FOXP1: variants seen among roughly 807,000 people sequenced by gnomAD.
FOXP1 encodes forkhead box P1, also known as forkhead box protein P1.
FOXP1 carries 15 observed loss-of-function variants against 98.2 expected under a neutral mutation model. The ratio of observed to expected loss-of-function variants is 0.15; its 90% CI spans 0.10 to 0.24. The LOEUF is 0.24. Ranked by LOEUF, FOXP1 falls within the 10% of genes least tolerant of loss-of-function variation. FOXP1 has a pLI of 1.00. For synonymous variants in FOXP1, 371 were observed against 314.5 expected (o/e 1.18, Z -1.90); for missense variants, 633 against 848.5 (o/e 0.75, Z 3.15).
intron 6 of FOXP1, among the ~76,000 whole-genome samples, chr3:71,167,343 A>T (rs752611413): frequency 6.6e-6 from 1 of 152,206 alleles, no homozygotes; most frequent in African/African-American, 2.4e-5. Context: ...TTCCCCATCT[A>T]TAACTAAAAT....
chr3:71,250,268 T>C (rs2068077618), intron 5 of FOXP1, among the ~76,000 whole-genome samples: 1 of 152,212 alleles, frequency 6.6e-6, no homozygotes, highest in Non-Finnish European at 1.5e-5. Flanking sequence ...TCATTCCTGG[T>C]TGAGAACCAC....
At chr3:71,496,123 C>T (rs750681374) in intron 2 of FOXP1, among the ~76,000 whole-genome samples, 1 of 152,190 alleles carries the variant, frequency 6.6e-6, no homozygotes, top group Non-Finnish European at 1.5e-5. Context: ...TGGCAGCTAA[C>T]TTTTTAAATA....
At chr3:71,334,548 C>T (rs1332482521) in intron 4 of FOXP1, 1 of 152,164 alleles carries the variant, frequency 6.6e-6, no homozygotes, top group African/African-American at 2.4e-5. Context: ...GGACCCTGGA[C>T]ACTGAAGCAT....
In FOXP1 at chr3:70,957,002, GCA is replaced by G; in HGVS notation, c.*2243_*2244del. 4.5e-6 allele frequency: 1 copy of G among 221,426 alleles called. No homozygotes were observed. Among genetic ancestry groups the G allele is most frequent in the East Asian group, 6.7e-5 (1 of 14,986 alleles). The allele number at this position is 221,426 out of a possible 1,614,324, so 13.7% of individuals were successfully genotyped here. ...AACCAAAATTAATACAGTGATCACA[GCA>G]CAGTTCTTAAACAAAAGTGGCATAC... On this transcript the variant is annotated 3_prime_UTR_variant, in exon 21 of 21. Coordinates refer to ENST00000649528, the MANE Select transcript of FOXP1 (RefSeq NM_001349338.3).
At chr3:71,472,209 T>C (rs953377005) in intron 3 of FOXP1, among the ~76,000 whole-genome samples, 4 of 152,134 alleles carry the variant, frequency 2.6e-5, no homozygotes, top group African/African-American at 9.7e-5. Context: ...TGTTTTTACC[T>C]CCTCAGGACC....
intron 6 of FOXP1, among the ~76,000 whole-genome samples, chr3:71,118,928 A>G (rs2058567326): frequency 6.6e-6 from 1 of 152,168 alleles, no homozygotes; most frequent in South Asian, 2.1e-4. Context: ...GGCCCTTCAG[A>G]CCTAAAATAT....
intron 2 of FOXP1, chr3:71,572,066 A>C (rs2047382188): frequency 6.6e-6 from 1 of 152,248 alleles, no homozygotes; most frequent in Non-Finnish European, 1.5e-5. Flanking sequence ...ACAAGGATAC[A>C]GAAGTATAAA....
chr3:71,514,244 T>C (rs1269297868), intron 2 of FOXP1, among the ~76,000 whole-genome samples: 2 of 152,194 alleles, frequency 1.3e-5, no homozygotes, highest in African/African-American at 2.4e-5. Context: ...CTGTTCCCTC[T>C]GCCTGGAATG....
chr3:71,062,458 G>A (rs1392719806), intron 7 of FOXP1, among the ~76,000 whole-genome samples: 1 of 152,106 alleles, frequency 6.6e-6, no homozygotes, highest in Admixed American at 6.6e-5. Context: ...TCTATTACAT[G>A]TCATGAGATC....
intron 5 of FOXP1, among the ~76,000 whole-genome samples, chr3:71,260,823 T>C (rs1347074321): frequency 6.6e-6 from 1 of 152,120 alleles, no homozygotes; most frequent in Non-Finnish European, 1.5e-5. Context: ...ATTACAGGCA[T>C]GAGCCCCCAC....
At chr3:71,475,402 C>T (rs1372560311) in intron 3 of FOXP1, among the ~76,000 whole-genome samples, 2 of 152,136 alleles carry the variant, frequency 1.3e-5, no homozygotes, top group Non-Finnish European at 2.9e-5. Context: ...CCATGGCAAT[C>T]GGGGAAAGGG....
intron 7 of FOXP1, among the ~76,000 whole-genome samples, chr3:71,073,233 G>A (rs541102816): frequency 1.2e-4 from 19 of 152,278 alleles, no homozygotes; most frequent in South Asian, 2.1e-4. Flanking sequence ...AAATCAGGGC[G>A]CGCTGTGGTT....
In FOXP1 at chr3:71,568,593, A is replaced by G. The variant is rs111769310; in HGVS notation, c.-298+12956T>C. Among the ~76,000 whole-genome samples, 23 of 152,064 alleles carry G rather than the reference A, an allele frequency of 1.5e-4. 1 individual carries two copies. The highest frequency in any genetic ancestry group is 4.3e-4 in the African/African-American group (18 of 41,472). On this transcript the variant is annotated intron_variant, in intron 2 of 20. Coordinates refer to ENST00000649528, the MANE Select transcript of FOXP1 (RefSeq NM_001349338.3). ...AGGGACCCCAAATTTTAATTTTTCA[A>G]TGGGCCAGCAGATTATACAGCTGGT...
chr3:71,397,023 T>TAC lies in FOXP1; in HGVS notation c.-167-37781_-167-37780dup, dbSNP rs1419873300. Among the ~76,000 whole-genome samples the TAC allele has an allele frequency of 8.3e-4, 20 of 24,060 alleles. 2 individuals carry two copies. The highest frequency in any genetic ancestry group is 1.7e-3 in the South Asian group (2 of 1,168). The allele number at this position is 24,060 out of a possible 152,430, so 15.8% of individuals were successfully genotyped here. A position where few individuals can be genotyped will look rare whatever the true frequency, so the allele number is the denominator to read the frequency against. ...ATATATATGTGTATATATATATATA[T>TAC]ACATATATATGTGTATATATATATA... On this transcript the variant is annotated intron_variant, in intron 3 of 20. Transcript: ENST00000649528.
chr3:71,581,085 G>A (rs1289034247), intron 2 of FOXP1: 1 of 967,086 alleles, frequency 1.0e-6, no homozygotes, highest in Non-Finnish European at 1.2e-6. Flanking sequence ...GTAGGGAAGA[G>A]GAAGAAATAA....
Position 71,093,688 on chromosome 3 carries a change from T to C in FOXP1, c.282+18848A>G, listed in dbSNP as rs80097570. Among the ~76,000 whole-genome samples the C allele has an allele frequency of 4.3e-3, 648 of 151,654 alleles. 9 individuals are homozygous for C. Among genetic ancestry groups the C allele is most frequent in the African/African-American group, 0.015 (604 of 41,362 alleles). ...TAATAAATGTTAGAATGAGGATAAG[T>C]GAATAGATGGATGGATGAAAGAATC... On this transcript the variant is annotated intron_variant, in intron 7 of 20. Transcript: ENST00000649528.
intron 3 of FOXP1, among the ~76,000 whole-genome samples, chr3:71,365,461 A>C (rs1210036161): frequency 6.6e-6 from 1 of 152,132 alleles, no homozygotes; most frequent in African/African-American, 2.4e-5. Context: ...CAAAAAAAAA[A>C]AAAAAAAGCT....
chr3:71,496,687 ACGCCAGC>A (rs2091437948), intron 2 of FOXP1, among the ~76,000 whole-genome samples: 1 of 151,934 alleles, frequency 6.6e-6, no homozygotes, highest in Non-Finnish European at 1.5e-5. Flanking sequence ...GGGTATGGTG[ACGCCAGC>A]TACTAGGGAG....
chr3:71,283,558 AC>A (rs1326844139), intron 5 of FOXP1, among the ~76,000 whole-genome samples: 4 of 152,088 alleles, frequency 2.6e-5, no homozygotes, highest in African/African-American at 4.8e-5. Context: ...CTGGATGACA[AC>A]CCTTTTTTAT....
Sources: allele counts gnomAD v4.1 joint callset (sites outside exome capture counted in the v4.1 genomes callset), GRCh38; gene constraint gnomAD v4.1.1; transcripts MANE v1.5; gene names NCBI Gene and HGNC (gene_info 2026-07-23, HGNC 2026-07-21).